The following SYT15B variants were observed in gnomAD, a reference collection of about 807,000 sequenced individuals.
The protein encoded by SYT15B is synaptotagmin-15.
chr10:47,762,148 C>T, the SYT15B span, among the ~76,000 whole-genome samples: 6 of 148,718 alleles, frequency 4.0e-5, no homozygotes, highest in Non-Finnish European at 7.5e-5. Flanking sequence ...TTCTCTAACA[C>T]CCGCTCCCTC....
At chr10:47,750,782 C>T in the SYT15B span, 1 of 151,130 alleles carries the variant, frequency 6.6e-6, no homozygotes, top group Non-Finnish European at 1.5e-5. Flanking sequence ...CATGCTCCCT[C>T]TAATAAATCT....
At chr10:47,760,633 C>T in the SYT15B span, among the ~76,000 whole-genome samples, 1 of 151,070 alleles carries the variant, frequency 6.6e-6, no homozygotes, top group East Asian at 1.9e-4. Flanking sequence ...GCAGCAAGCA[C>T]TTCATAAATG....
the SYT15B span, among the ~76,000 whole-genome samples, chr10:47,762,248 T>C: frequency 6.6e-6 from 1 of 152,016 alleles, no homozygotes; most frequent in African/African-American, 2.4e-5. Context: ...CAAGGCCCCA[T>C]TGCTGCTGGC....
At chr10:47,750,743 C>G in the SYT15B span, 1 of 147,228 alleles carries the variant, frequency 6.8e-6, no homozygotes, top group Non-Finnish European at 1.5e-5. Context: ...CGACTTAAAT[C>G]TAAATTTTAT....
the SYT15B span, among the ~76,000 whole-genome samples, chr10:47,756,643 CG>C: frequency 6.6e-6 from 1 of 152,286 alleles, no homozygotes; most frequent in Non-Finnish European, 1.5e-5. Flanking sequence ...GCCTGGCTTA[CG>C]GTGACCCCAG....
At chr10:47,754,963 C>CTTTT in the SYT15B span, among the ~76,000 whole-genome samples, 6 of 74,990 alleles carry the variant, frequency 8.0e-5, no homozygotes, top group Non-Finnish European at 1.3e-4. Context: ...CTTTTCTTTT[C>CTTTT]TTTTTTTTTT....
At chr10:47,753,109 A>G in the SYT15B span, 12 of 979,712 alleles carry the variant, frequency 1.2e-5, no homozygotes, top group Non-Finnish European at 1.2e-5. Context: ...ACTCTGTCTC[A>G]AAAAATTAAA....
chr10:47,744,787 C>T, the SYT15B span, among the ~76,000 whole-genome samples: 9 of 151,836 alleles, frequency 5.9e-5, no homozygotes, highest in Non-Finnish European at 8.8e-5. Context: ...CAGGTCACTC[C>T]TCCCTGCCCC....
At chr10:47,761,051 G>A in the SYT15B span, 2 of 605,648 alleles carry the variant, frequency 3.3e-6, no homozygotes, top group Non-Finnish European at 2.9e-6. Context: ...GCCAGGAGGA[G>A]GCCAGGGCAC....
the SYT15B span, among the ~76,000 whole-genome samples, chr10:47,756,653 A>G: frequency 6.6e-6 from 1 of 152,310 alleles, no homozygotes; most frequent in South Asian, 2.1e-4. Context: ...CGGTGACCCC[A>G]GATGTGAACA....
At chr10:47,756,543 C>T in the SYT15B span, among the ~76,000 whole-genome samples, 1 of 138,748 alleles carries the variant, frequency 7.2e-6, no homozygotes, top group East Asian at 2.4e-4. Flanking sequence ...CACTGGGCCC[C>T]CAGGCCCCCT....
chr10:47,761,176 T>A, the SYT15B span, among the ~76,000 whole-genome samples: 1 of 150,486 alleles, frequency 6.6e-6, no homozygotes, highest in Non-Finnish European at 1.5e-5. Flanking sequence ...TGTCAGCCAG[T>A]CTGGGTTTGG....
At chr10:47,760,982 CAG>C in the SYT15B span, 3 of 1,512,202 alleles carry the variant, frequency 2.0e-6, no homozygotes, top group Non-Finnish European at 2.7e-6. Context: ...GGTGTGGTCT[CAG>C]AGCGCTCAGC....
chr10:47,749,626 A>C, the SYT15B span, among the ~76,000 whole-genome samples: 65 of 151,114 alleles, frequency 4.3e-4, no homozygotes, highest in African/African-American at 1.5e-3. Context: ...CTGTGGAGGA[A>C]ACCACTAAAG....
At chr10:47,748,676 G>C in the SYT15B span, among the ~76,000 whole-genome samples, 26 of 152,176 alleles carry the variant, frequency 1.7e-4, no homozygotes, top group East Asian at 1.9e-3. Context: ...TTTTGTAGAG[G>C]GGGGGGATCT....
chr10:47,744,761 A>G, the SYT15B span, among the ~76,000 whole-genome samples: 271 of 151,840 alleles, frequency 1.8e-3, 4 homozygotes, highest in African/African-American at 5.8e-3. Context: ...CTATTTACCA[A>G]TTCAAACTTG....
chr10:47,748,235 G>A, the SYT15B span, among the ~76,000 whole-genome samples: 3 of 146,738 alleles, frequency 2.0e-5, no homozygotes, highest in African/African-American at 7.5e-5. Flanking sequence ...TTGAGACGGA[G>A]TTTTTCTTTG....
At chr10:47,750,429 T>TTTTA in the SYT15B span, among the ~76,000 whole-genome samples, 4 of 115,850 alleles carry the variant, frequency 3.5e-5, no homozygotes, top group Admixed American at 1.0e-4. Context: ...TTGATCTAAA[T>TTTTA]TTTATTTATT....
chr10:47,746,570 C>T, the SYT15B span, among the ~76,000 whole-genome samples: 7 of 73,704 alleles, frequency 9.5e-5, no homozygotes, highest in Non-Finnish European at 1.3e-4. Context: ...CCCAGCTACT[C>T]AGGAGACTGA....
Sources: allele counts gnomAD v4.1 joint callset (sites outside exome capture counted in the v4.1 genomes callset), GRCh38; gene constraint gnomAD v4.1.1; transcripts MANE v1.5; gene names NCBI Gene and HGNC (gene_info 2026-07-23, HGNC 2026-07-21).